The following IPO9 variants were observed in gnomAD, a reference collection of about 807,000 sequenced individuals.
IPO9 encodes the protein importin-9.
IPO9 carries 28 observed loss-of-function variants against 128.6 expected under a neutral mutation model. That is an observed-to-expected ratio of 0.22 (90% CI 0.16 to 0.30). The LOEUF is 0.30. Ranked by LOEUF, IPO9 falls within the 10% of genes least tolerant of loss-of-function variation. IPO9 has a pLI of 1.00. For missense variants in IPO9, 935 were observed against 1,293.9 expected (o/e 0.72, Z 4.26); for synonymous variants, 455 against 475.8 (o/e 0.96, Z 0.57).
rs1428425662 is a variant in IPO9 at position 201,882,093 on chromosome 1, C to G, written c.*6039C>G. 1 of 152,010 alleles carries G rather than the reference C, an allele frequency of 6.6e-6. No individual in the cohort carries two copies. The highest frequency in any genetic ancestry group is 1.5e-5 in the Non-Finnish European group (1 of 68,018). 9.4% of individuals were successfully genotyped at this position (152,010 alleles called of 1,614,324 possible). A position where few individuals can be genotyped will look rare whatever the true frequency, so the allele number is the denominator to read the frequency against. ...AGACTAGGTCTTAACCATACTTTAC[C>G]AAGATTCCAGTAGCAAAGCACCCAA... On this transcript the variant is annotated 3_prime_UTR_variant, in exon 24 of 24. Coordinates refer to ENST00000361565, the MANE Select transcript of IPO9 (RefSeq NM_018085.5).
chr1:201,833,231 T>G (rs1679869517), intron 1 of IPO9, among the ~76,000 whole-genome samples: 1 of 150,050 alleles, frequency 6.7e-6, no homozygotes. Context: ...GGAATGATTT[T>G]TTTTTTTTTT....
At position 201,859,069 on chromosome 1, in the gene IPO9, G is replaced by A. The variant is rs567416830; in HGVS notation, c.1468+75G>A. The A allele has an allele frequency of 5.4e-6, 8 of 1,474,694 alleles. No homozygotes were observed. In the South Asian group the frequency reaches 7.8e-5, roughly 14 times the overall value. The allele number at this position is 1,474,694 out of a possible 1,614,324, so 91.4% of individuals were successfully genotyped here. Reference sequence around the variant, plus strand: ...GGGGTTGGGGGAGGGATCAGCATTAGGAGATATACCTGATGTAAGTGACAA... The same window carrying A: ...GGGGTTGGGGGAGGGATCAGCATTAAGAGATATACCTGATGTAAGTGACAA... On this transcript the variant is annotated intron_variant, in intron 13 of 23. Coordinates refer to ENST00000361565, the MANE Select transcript of IPO9 (RefSeq NM_018085.5).
chr1:201,835,167 C>T (rs1250122344), intron 1 of IPO9: 1 of 152,282 alleles, frequency 6.6e-6, no homozygotes, highest in Non-Finnish European at 1.5e-5. Context: ...CTCAAAACCG[C>T]ATCCTTCTCC....
chr1:201,853,173 G>C, intron 6 of IPO9, 76 bp downstream of exon 6: 1 of 1,143,074 alleles, frequency 8.7e-7, no homozygotes, highest in Non-Finnish European at 1.3e-6. Context: ...GTCATTTCAT[G>C]ATAGCAGCAC....
chr1:201,854,741 T>A, intron 7 of IPO9, 27 bp downstream of exon 7: 1 of 1,611,454 alleles, frequency 6.2e-7, no homozygotes. Flanking sequence ...AATGAAATAT[T>A]TGGAGTTTGA....
In IPO9 at chr1:201,854,811, T is replaced by G; in HGVS notation, c.811-12T>G. 1 of 1,603,596 alleles carries G rather than the reference T, an allele frequency of 6.2e-7. No homozygotes were observed. The highest frequency in any genetic ancestry group is 1.1e-5 in the South Asian group (1 of 89,172). On this transcript the variant is annotated splice_polypyrimidine_tract_variant and intron_variant, in intron 7 of 23. Coordinates refer to ENST00000361565, the MANE Select transcript of IPO9 (RefSeq NM_018085.5). ...CACTCATAACTTGGGTCCTTTTCTC[T>G]TAACTTCTTAGGCAGTGACAGCCCT...
intron 2 of IPO9, 90 bp downstream of exon 2, chr1:201,847,430 A>G (rs1436204960): frequency 1.5e-6 from 2 of 1,379,214 alleles, no homozygotes; most frequent in African/African-American, 1.4e-5. Flanking sequence ...GCCAGTGTAT[A>G]AATAACCTAG....
chr1:201,874,794 A>G (rs917555965), intron 21 of IPO9, 38 bp from the exon 22 acceptor site: 2 of 1,406,336 alleles, frequency 1.4e-6, no homozygotes, highest in Admixed American at 1.7e-5. Flanking sequence ...AAATGCATGA[A>G]TGTGCTCTAG....
intron 22 of IPO9, 86 bp from the exon 23 acceptor site, chr1:201,875,066 C>T: frequency 2.9e-6 from 4 of 1,400,514 alleles, no homozygotes; most frequent in Non-Finnish European, 4.1e-6. Context: ...GCACCTTCCG[C>T]CTCAGTCATG....
At chr1:201,835,801 TTTAAAGACATTGTG>T (rs1475029958) in intron 1 of IPO9, among the ~76,000 whole-genome samples, 1 of 152,184 alleles carries the variant, frequency 6.6e-6, no homozygotes, top group Non-Finnish European at 1.5e-5. Context: ...TTCTCATATT[TTTAAAGACATTGTG>T]TTAAAGACAC....
Position 201,837,994 on chromosome 1 carries a change from C to T in IPO9, c.163+8622C>T, listed in dbSNP as rs567406989. On this transcript the variant is annotated intron_variant, in intron 1 of 23. Coordinates refer to ENST00000361565, the MANE Select transcript of IPO9 (RefSeq NM_018085.5). The stretch of plus-strand genomic sequence containing the variant: ...CTGAGGCAGGAGGATCGCTTGAACC[C>T]GGGAGGTGGAGGTTGCGGTGAGCTG... Among the ~76,000 whole-genome samples the T allele has an allele frequency of 1.2e-3, 180 of 152,208 alleles. 2 individuals are homozygous for T. The highest frequency in any genetic ancestry group is 4.1e-3 in the African/African-American group (169 of 41,518).
At chr1:201,839,744 G>T (rs1680002458) in intron 1 of IPO9, among the ~76,000 whole-genome samples, 1 of 151,972 alleles carries the variant, frequency 6.6e-6, no homozygotes, top group Non-Finnish European at 1.5e-5. Context: ...ACTTGACATA[G>T]GGAAAGGGAT....
Position 201,870,648 on chromosome 1 carries a change from T to C in IPO9, c.2199T>C (p.Asp733=). 1.2e-6 allele frequency: 2 copies of C among 1,614,210 alleles called. No homozygotes were observed. The highest frequency in any genetic ancestry group is 1.7e-6 in the Non-Finnish European group (2 of 1,180,034). ...TGGAACAAGTAGCCCAGTGGCATGA[T>C]GAGCAGGGCCACAATGGACTGTGGT... ...VTLEQVAQWH[D]EQGHNGLWYV... is the part of the protein sequence containing the mutation. The change falls in exon 18 of 24, where the codon GAT becomes GAC. Residue 733 remains aspartate, a synonymous_variant. Coordinates refer to ENST00000361565, the MANE Select transcript of IPO9 (RefSeq NM_018085.5). The surrounding 1 kb of genome is among the most constrained non-coding windows in gnomAD (Gnocchi z 4.9).
chr1:201,857,021 A>AT (rs1680342067), intron 10 of IPO9, 75 bp from the exon 11 acceptor site: 1 of 951,640 alleles, frequency 1.1e-6, no homozygotes, highest in African/African-American at 1.6e-5. Context: ...ATAGGTTGAA[A>AT]TCTTCCTGTA....
chr1:201,865,538 C>G (rs896589389), intron 14 of IPO9, among the ~76,000 whole-genome samples: 3 of 152,066 alleles, frequency 2.0e-5, no homozygotes, highest in Non-Finnish European at 4.4e-5. Context: ...TCACTAGTAA[C>G]CTTTTAATGA....
rs1287994710 is a variant in IPO9, at chr1:201,870,461, CATT to C, written c.2134-119_2134-117del. The stretch of plus-strand genomic sequence containing the variant: ...TCCAGTGGTATGAGCCCACCACAAA[CATT>C]ATAGACTCACCGCTTTTATGAGGCA... On this transcript the variant is annotated intron_variant, in intron 17 of 23. Coordinates refer to ENST00000361565, the MANE Select transcript of IPO9 (RefSeq NM_018085.5). The surrounding 1 kb of genome is among the most constrained non-coding windows in gnomAD (Gnocchi z 4.9). 4 of 1,102,208 alleles carry C rather than the reference CATT, an allele frequency of 3.6e-6. No homozygotes were observed. The highest frequency in any genetic ancestry group is 5.1e-5 in the East Asian group (2 of 39,164). The allele number at this position is 1,102,208 out of a possible 1,614,324, so 68.3% of individuals were successfully genotyped here.
chr1:201,860,892 G>T (rs1680431977), intron 13 of IPO9, among the ~76,000 whole-genome samples: 1 of 152,196 alleles, frequency 6.6e-6, no homozygotes, highest in South Asian at 2.1e-4. Context: ...GTGAGGCCGG[G>T]CATGGTGGCT....
chr1:201,868,513 A>G, intron 15 of IPO9, 135 bp from the exon 16 acceptor site: 1 of 766,962 alleles, frequency 1.3e-6, no homozygotes, highest in East Asian at 3.0e-5. Context: ...TGGCCCCACT[A>G]GGTCCCGGGT....
intron 19 of IPO9, 85 bp downstream of exon 19, chr1:201,871,412 A>C: frequency 1.1e-6 from 1 of 942,316 alleles, no homozygotes; most frequent in South Asian, 1.9e-5. Flanking sequence ...TTTTTGAGAC[A>C]GTCTCGCTCT....
Sources: allele counts gnomAD v4.1 joint callset (sites outside exome capture counted in the v4.1 genomes callset), GRCh38; gene constraint gnomAD v4.1.1; non-coding constraint Gnocchi (gnomAD v3.1); transcripts MANE v1.5; gene names NCBI Gene and HGNC (gene_info 2026-07-23, HGNC 2026-07-21).